The following GMDS variants were observed in gnomAD, a reference collection of about 807,000 sequenced individuals.
GMDS encodes the protein GDP-mannose 4,6 dehydratase.
GMDS carries 20 observed loss-of-function variants against 49.9 expected under a neutral mutation model. That is an observed-to-expected ratio of 0.40 (90% CI 0.28 to 0.58). The LOEUF (loss-of-function observed/expected upper bound fraction) is 0.58. GMDS is among the 20% of genes least tolerant of loss of function. GMDS has a pLI of 0.42. For synonymous variants in GMDS, 177 were observed against 178.6 expected, an observed-to-expected ratio of 0.99 and a Z score of 0.07; for missense variants, 362 against 481.4, an observed-to-expected ratio of 0.75 and a Z score of 2.32.
chr6:1,677,534 T>G (rs1764663253), intron 9 of GMDS, among the ~76,000 whole-genome samples: 3 of 151,954 alleles, frequency 2.0e-5, no homozygotes, highest in Admixed American at 2.0e-4. Context: ...TAGCAAAGAC[T>G]TGGAACCAAC....
intron 1 of GMDS, among the ~76,000 whole-genome samples, chr6:2,193,460 G>T (rs1445100647): frequency 1.3e-5 from 2 of 152,326 alleles, no homozygotes; most frequent in East Asian, 3.9e-4. Context: ...TGCTCCCAAA[G>T]TGTGGCCTCT....
intron 7 of GMDS, among the ~76,000 whole-genome samples, chr6:1,875,075 G>T (rs1355381718): frequency 2.6e-5 from 4 of 151,900 alleles, no homozygotes; most frequent in Admixed American, 2.6e-4. Context: ...TTCTCATTTG[G>T]AAAACATGGG....
intron 9 of GMDS, among the ~76,000 whole-genome samples, chr6:1,641,408 AC>A (rs1763325865): frequency 6.6e-6 from 1 of 152,230 alleles, no homozygotes; most frequent in Admixed American, 6.5e-5. Context: ...CTCAGAATGG[AC>A]AGGAAAAAAG....
intron 4 of GMDS, among the ~76,000 whole-genome samples, chr6:2,066,710 C>T (rs889844155): frequency 6.6e-6 from 1 of 152,152 alleles, no homozygotes; most frequent in Non-Finnish European, 1.5e-5. Context: ...ACAAGAAGAG[C>T]TAACTATCCT....
At chr6:1,692,685 A>G (rs1765215207) in intron 9 of GMDS, among the ~76,000 whole-genome samples, 1 of 152,206 alleles carries the variant, frequency 6.6e-6, no homozygotes, top group African/African-American at 2.4e-5. Context: ...TACGCCATTA[A>G]TTATGTCAAT....
At chr6:1,718,650 C>G (rs1026558852) in intron 9 of GMDS, among the ~76,000 whole-genome samples, 2 of 152,106 alleles carry the variant, frequency 1.3e-5, no homozygotes, top group Non-Finnish European at 2.9e-5. Flanking sequence ...GACCTTATCT[C>G]ATCTATCTTT....
intron 1 of GMDS, among the ~76,000 whole-genome samples, chr6:2,146,181 G>C (rs1456017555): frequency 6.6e-6 from 1 of 152,258 alleles, no homozygotes; most frequent in Admixed American, 6.5e-5. Context: ...ATGTTAGGAA[G>C]ACATGTTCTT....
In GMDS at chr6:2,122,588, T is replaced by C. The variant is rs1275877407; in HGVS notation, c.147+2099A>G. Among the ~76,000 whole-genome samples, 11 of 152,366 alleles carry C rather than the reference T, an allele frequency of 7.2e-5. No homozygotes were observed. In the Middle Eastern group the frequency reaches 0.01, roughly 141 times the overall value. Reference sequence around the variant, plus strand: ...TTGAAAAATTACTCTAACATTTACTTTGACCTAAGCATAAAAACATAAGGC... The same window carrying C: ...TTGAAAAATTACTCTAACATTTACTCTGACCTAAGCATAAAAACATAAGGC... On this transcript the variant is annotated intron_variant, in intron 2 of 10. Coordinates refer to ENST00000380815, the MANE Select transcript of GMDS (RefSeq NM_001500.4).
At chr6:1,953,238 A>T (rs1248246698) in intron 6 of GMDS, among the ~76,000 whole-genome samples, 1 of 152,160 alleles carries the variant, frequency 6.6e-6, no homozygotes, top group Non-Finnish European at 1.5e-5. Context: ...AGTCTCACAG[A>T]AACCGAGGCT....
At chr6:1,977,997 C>G (rs1358996495) in intron 4 of GMDS, among the ~76,000 whole-genome samples, 2 of 152,220 alleles carry the variant, frequency 1.3e-5, no homozygotes, top group African/African-American at 2.4e-5. Context: ...GGCCCCACTT[C>G]CACTGCACTT....
chr6:1,923,998 G>C (rs550321561), intron 7 of GMDS, among the ~76,000 whole-genome samples: 1 of 152,244 alleles, frequency 6.6e-6, no homozygotes, highest in East Asian at 1.9e-4. Flanking sequence ...TTCATTCAGA[G>C]GACAAGGGAT....
chr6:2,022,340 A>C (rs1166548442), intron 4 of GMDS, among the ~76,000 whole-genome samples: 1 of 152,218 alleles, frequency 6.6e-6, no homozygotes, highest in Non-Finnish European at 1.5e-5. Flanking sequence ...AGTAGCTCTT[A>C]ATCCCTAACT....
intron 4 of GMDS, among the ~76,000 whole-genome samples, chr6:2,049,725 G>A (rs1338002997): frequency 1.3e-5 from 2 of 152,068 alleles, no homozygotes; most frequent in African/African-American, 2.4e-5. Context: ...TTAGAGCGAT[G>A]CCTCAAAACC....
At chr6:2,116,653 A>G (rs1774867851) in intron 3 of GMDS, among the ~76,000 whole-genome samples, 2 of 152,242 alleles carry the variant, frequency 1.3e-5, no homozygotes, top group Non-Finnish European at 2.9e-5. Context: ...CTATACAAGT[A>G]GCCCAAACCT....
At chr6:1,780,565 C>T (rs1322272168) in intron 7 of GMDS, among the ~76,000 whole-genome samples, 1 of 152,186 alleles carries the variant, frequency 6.6e-6, no homozygotes, top group Non-Finnish European at 1.5e-5. Context: ...TCTCCTTCCC[C>T]TCCTGCTTCC....
At chr6:1,702,552 T>C (rs1382743110) in intron 9 of GMDS, among the ~76,000 whole-genome samples, 1 of 152,102 alleles carries the variant, frequency 6.6e-6, no homozygotes, top group Non-Finnish European at 1.5e-5. Context: ...CTGAAGCTCA[T>C]TCCATAGGGA....
intron 7 of GMDS, among the ~76,000 whole-genome samples, chr6:1,747,844 G>A (rs1767571284): frequency 6.6e-6 from 1 of 152,076 alleles, no homozygotes; most frequent in Non-Finnish European, 1.5e-5. Flanking sequence ...CTGGCCTTAT[G>A]GCTATGTCTA....
At chr6:1,632,221 A>G (rs1158367810) in intron 9 of GMDS, among the ~76,000 whole-genome samples, 1 of 152,236 alleles carries the variant, frequency 6.6e-6, no homozygotes, top group Non-Finnish European at 1.5e-5. Flanking sequence ...AATGTGTTGT[A>G]AACAATACAC....
chr6:1,743,264 G>T (rs1460290474), intron 7 of GMDS, among the ~76,000 whole-genome samples: 1 of 152,206 alleles, frequency 6.6e-6, no homozygotes, highest in Non-Finnish European at 1.5e-5. Flanking sequence ...ACATCAAAAT[G>T]GATGTCTAGC....
Sources: gnomAD v4.1 joint callset for allele counts (sites outside exome capture counted in the v4.1 genomes callset) on GRCh38, gnomAD v4.1.1 for gene constraint, MANE v1.5 for transcripts, NCBI Gene and HGNC (gene_info 2026-07-23, HGNC 2026-07-21) for gene names.